GNAQ: variants seen among roughly 807,000 people sequenced by gnomAD.
GNAQ encodes guanine nucleotide-binding protein G(q) subunit alpha.
Under a neutral mutation model 43.9 loss-of-function variants are expected in GNAQ, and 8 were observed. That is an observed-to-expected ratio of 0.18 (90% confidence interval 0.11 to 0.33). The LOEUF (loss-of-function observed/expected upper bound fraction) is 0.33. Among genes scored for constraint, GNAQ ranks in the 10% least tolerant of loss-of-function variants. GNAQ has a pLI of 1.00. For missense variants in GNAQ, 158 were observed against 450.8 expected, an observed-to-expected ratio of 0.35 and a Z score of 5.88; for synonymous variants, 155 against 170.7, an observed-to-expected ratio of 0.91 and a Z score of 0.71.
chr9:77,916,644 G>A (rs769437735), intron 2 of GNAQ, among the ~76,000 whole-genome samples: 4 of 152,060 alleles, frequency 2.6e-5, no homozygotes, highest in Non-Finnish European at 4.4e-5. Flanking sequence ...TAGGCGAAAG[G>A]GAAACACAGG....
chr9:77,890,575 T>C (rs2118106453), intron 2 of GNAQ, among the ~76,000 whole-genome samples: 1 of 152,028 alleles, frequency 6.6e-6, no homozygotes, highest in Non-Finnish European at 1.5e-5. Flanking sequence ...AATACAAAAT[T>C]AGCCGGGCGT....
At chr9:77,973,507 T>G (rs558228297) in intron 1 of GNAQ, among the ~76,000 whole-genome samples, 3 of 152,046 alleles carry the variant, frequency 2.0e-5, no homozygotes, top group Non-Finnish European at 4.4e-5. Flanking sequence ...GTCAATTCTT[T>G]GAGGGAAACA....
intron 2 of GNAQ, among the ~76,000 whole-genome samples, chr9:77,904,982 T>C (rs1828680600): frequency 6.6e-6 from 1 of 152,224 alleles, no homozygotes; most frequent in Non-Finnish European, 1.5e-5. Flanking sequence ...AATAGTCTAT[T>C]GTTCAACTAA....
At chr9:77,974,292 C>T (rs1823273033) in intron 1 of GNAQ, among the ~76,000 whole-genome samples, 1 of 152,110 alleles carries the variant, frequency 6.6e-6, no homozygotes, top group Admixed American at 6.6e-5. Context: ...CAGCCATGAG[C>T]TAATGAGGTC....
At chr9:77,886,123 C>T (rs998858313) in intron 2 of GNAQ, among the ~76,000 whole-genome samples, 16 of 152,024 alleles carry the variant, frequency 1.1e-4, no homozygotes, top group African/African-American at 2.4e-4. Context: ...ATTACAGGCA[C>T]GCCTGGCTAA....
At chr9:77,895,790 T>C (rs952220927) in intron 2 of GNAQ, among the ~76,000 whole-genome samples, 3 of 152,164 alleles carry the variant, frequency 2.0e-5, no homozygotes, top group Non-Finnish European at 1.5e-5. Context: ...TTTCCGGTGC[T>C]GTTCGCATAA....
intron 2 of GNAQ, among the ~76,000 whole-genome samples, chr9:77,884,814 C>A (rs1417266872): frequency 6.6e-6 from 1 of 152,152 alleles, no homozygotes; most frequent in Non-Finnish European, 1.5e-5. Flanking sequence ...AGGTCAATGC[C>A]CCAAGGGCAC....
chr9:77,763,977 T>C (rs1159942134), intron 5 of GNAQ, among the ~76,000 whole-genome samples: 4 of 152,242 alleles, frequency 2.6e-5, no homozygotes, highest in Non-Finnish European at 4.4e-5. Flanking sequence ...GGCTTGGATT[T>C]TGGGGAATGT....
chr9:77,960,961 A>G (rs999385057), intron 1 of GNAQ, among the ~76,000 whole-genome samples: 1 of 152,224 alleles, frequency 6.6e-6, no homozygotes, highest in African/African-American at 2.4e-5. Context: ...CCTGTATGAC[A>G]TATCTTTAAT....
At chr9:77,825,088 T>C (rs1827172937) in intron 2 of GNAQ, among the ~76,000 whole-genome samples, 1 of 152,208 alleles carries the variant, frequency 6.6e-6, no homozygotes, top group Non-Finnish European at 1.5e-5. Flanking sequence ...ATTATATTCA[T>C]GGCTACAATG....
intron 1 of GNAQ, among the ~76,000 whole-genome samples, chr9:77,982,729 T>C (rs1159491539): frequency 5.5e-5 from 8 of 144,706 alleles, no homozygotes; most frequent in African/African-American, 7.7e-5. Context: ...GTTGATTCTA[T>C]GTTTAAAAAA....
At chr9:77,826,427 C>T (rs745768055) in intron 2 of GNAQ, among the ~76,000 whole-genome samples, 1 of 152,164 alleles carries the variant, frequency 6.6e-6, no homozygotes, top group African/African-American at 2.4e-5. Flanking sequence ...TGGCTAGAAT[C>T]CATTAAAAAA....
chr9:77,904,315 GGC>G (rs1828665973), intron 2 of GNAQ, among the ~76,000 whole-genome samples: 1 of 111,848 alleles, frequency 8.9e-6, no homozygotes, highest in Non-Finnish European at 1.8e-5. Flanking sequence ...AGTTCACACC[GGC>G]TTTTTTTTTT....
intron 2 of GNAQ, among the ~76,000 whole-genome samples, chr9:77,889,065 T>C (rs1828356484): frequency 6.6e-6 from 1 of 152,128 alleles, no homozygotes; most frequent in Non-Finnish European, 1.5e-5. Context: ...AACTTTTGAT[T>C]CCTTCACTTT....
At chr9:77,779,757 C>T (rs1242257254) in intron 5 of GNAQ, among the ~76,000 whole-genome samples, 9 of 148,746 alleles carry the variant, frequency 6.1e-5, no homozygotes, top group Non-Finnish European at 8.9e-5. Context: ...ATAGATCACA[C>T]GGACGTTAAA....
intron 1 of GNAQ, among the ~76,000 whole-genome samples, chr9:78,005,204 C>T (rs1305151933): frequency 5.3e-5 from 8 of 152,106 alleles, no homozygotes; most frequent in African/African-American, 1.9e-4. Context: ...CACCACCACA[C>T]CCAGCTAATT....
chr9:77,876,311 T>G (rs12686139), intron 2 of GNAQ, among the ~76,000 whole-genome samples: 1 of 152,002 alleles, frequency 6.6e-6, no homozygotes, highest in Non-Finnish European at 1.5e-5. Context: ...TGATGGAGAA[T>G]GAGGCCTTGT....
intron 2 of GNAQ, among the ~76,000 whole-genome samples, chr9:77,849,549 TC>T (rs1206426692): frequency 6.6e-6 from 1 of 152,162 alleles, no homozygotes; most frequent in African/African-American, 2.4e-5. Flanking sequence ...CATCTGGTCA[TC>T]CGTACTGGCT....
chr9:77,985,779 G>A (rs1023216618), intron 1 of GNAQ, among the ~76,000 whole-genome samples: 14 of 151,884 alleles, frequency 9.2e-5, no homozygotes, highest in African/African-American at 3.1e-4. Flanking sequence ...GTAGAGATGG[G>A]GTTTCACTGT....
Sources: allele counts gnomAD v4.1 joint callset (sites outside exome capture counted in the v4.1 genomes callset), GRCh38; gene constraint gnomAD v4.1.1; transcripts MANE v1.5; gene names NCBI Gene and HGNC (gene_info 2026-07-23, HGNC 2026-07-21).